The following DLC1 variants were observed in gnomAD, a reference collection of about 807,000 sequenced individuals.
DLC1 encodes the protein rho GTPase-activating protein 7.
In DLC1, 54 loss-of-function variants were observed where a neutral mutation model predicts 140.3. The ratio of observed to expected loss-of-function variants is 0.38; its 90% CI spans 0.31 to 0.48. The LOEUF (loss-of-function observed/expected upper bound fraction) is 0.48, where lower values mean the gene tolerates loss of function less well. Ranked by LOEUF, DLC1 falls within the 20% of genes least tolerant of loss-of-function variation. The pLI is 0.96. For missense variants in DLC1, 2,536 were observed against 1,907.0 expected (o/e 1.33, Z -6.14); for synonymous variants, 986 against 728.1 (o/e 1.35, Z -5.70).
intron 10 of DLC1, chr8:13,096,138 A>C (rs762895147): frequency 6.6e-6 from 1 of 152,228 alleles, no homozygotes; most frequent in Non-Finnish European, 1.5e-5. Flanking sequence ...AAACAGGAAA[A>C]GAACCTTGTG....
At chr8:13,261,377 A>T (rs1280331487) in intron 5 of DLC1, among the ~76,000 whole-genome samples, 1 of 151,572 alleles carries the variant, frequency 6.6e-6, no homozygotes, top group African/African-American at 2.4e-5. Flanking sequence ...AAGAAGGTGA[A>T]GTGGGAAGAG....
intron 2 of DLC1, among the ~76,000 whole-genome samples, chr8:13,413,014 G>T (rs1837858724): frequency 6.6e-6 from 1 of 151,646 alleles, no homozygotes; most frequent in African/African-American, 2.4e-5. Context: ...CAAAACACAG[G>T]TTGCCTATCA....
At chr8:13,539,449 C>T (rs1803411290) in intron 1 of DLC1, among the ~76,000 whole-genome samples, 1 of 152,130 alleles carries the variant, frequency 6.6e-6, no homozygotes, top group African/African-American at 2.4e-5. Context: ...ATCCGTCCAC[C>T]TCGGCCTCCC....
At chr8:13,244,540 C>T (rs777496786) in intron 5 of DLC1, among the ~76,000 whole-genome samples, 2 of 151,954 alleles carry the variant, frequency 1.3e-5, no homozygotes, top group Non-Finnish European at 2.9e-5. Flanking sequence ...CTAAAGTGAT[C>T]CTCCCACTTC....
At chr8:13,089,765 T>C (rs1040462524) in intron 15 of DLC1, among the ~76,000 whole-genome samples, 6 of 152,242 alleles carry the variant, frequency 3.9e-5, no homozygotes, top group Non-Finnish European at 8.8e-5. Flanking sequence ...CCGATGGACC[T>C]ATCCTGCTGA....
At chr8:13,209,747 G>A (rs1827847945) in intron 5 of DLC1, among the ~76,000 whole-genome samples, 2 of 152,048 alleles carry the variant, frequency 1.3e-5, no homozygotes, top group African/African-American at 4.8e-5. Flanking sequence ...CTCTCTTGCT[G>A]CTACTTCCAC....
chr8:13,509,908 A>C (rs1172284558), intron 1 of DLC1, among the ~76,000 whole-genome samples: 4 of 152,208 alleles, frequency 2.6e-5, no homozygotes, highest in Non-Finnish European at 5.9e-5. Context: ...GGGGAAAATG[A>C]TAATGAGTTA....
At chr8:13,400,543 G>A (rs1462576813) in intron 3 of DLC1, among the ~76,000 whole-genome samples, 1 of 152,110 alleles carries the variant, frequency 6.6e-6, no homozygotes, top group African/African-American at 2.4e-5. Context: ...TCTGTGGGCT[G>A]ATGTGTGCAA....
intron 6 of DLC1, among the ~76,000 whole-genome samples, chr8:13,113,495 G>C (rs1820289526): frequency 2.0e-5 from 3 of 152,210 alleles, no homozygotes; most frequent in South Asian, 4.1e-4. Context: ...AGGAGACACA[G>C]GGAATGGAAT....
chr8:13,526,760 C>G (rs370704058), intron 1 of DLC1, among the ~76,000 whole-genome samples: 5 of 151,550 alleles, frequency 3.3e-5, no homozygotes, highest in Non-Finnish European at 7.4e-5. Context: ...CATCACACAC[C>G]AGGGCCTGCC....
rs1563360729 is a variant in DLC1 at position 13,453,517 on chromosome 8, T to TATATGTATATATATATAC, written c.1023+45531_1023+45532insGTATATATATATACATAT. Among the ~76,000 whole-genome samples the TATATGTATATATATATAC allele has an allele frequency of 1.5e-4, 4 of 26,522 alleles. 1 individual carries two copies. The highest frequency in any genetic ancestry group is 4.7e-4 in the Admixed American group (1 of 2,142). 17.4% of individuals were successfully genotyped at this position (26,522 alleles called of 152,430 possible). On this transcript the variant is annotated intron_variant, in intron 2 of 17. Coordinates refer to ENST00000276297, the MANE Select transcript of DLC1 (RefSeq NM_182643.3). Reference sequence around the variant, plus strand: ...ATATATATATGTATATATATATACATATATATATATGTATATATATACATA... The same window carrying TATATGTATATATATATAC: ...ATATATATATGTATATATATATACATATATGTATATATATATACATATATATATGTATATATATACATA...
chr8:13,468,611 G>T (rs1042201357), intron 2 of DLC1, among the ~76,000 whole-genome samples: 11 of 151,916 alleles, frequency 7.2e-5, no homozygotes, highest in Non-Finnish European at 1.0e-4. Context: ...CTGGCTTCAA[G>T]CACTCCTCCC....
chr8:13,496,785 C>CTTTTTTTTTTTTTTTTTTTTTTTTTTTTT lies in DLC1; in HGVS notation c.1023+2263_1023+2264insAAAAAAAAAAAAAAAAAAAAAAAAAAAAA, dbSNP rs1491502803. On this transcript the variant is annotated intron_variant, in intron 2 of 17. Transcript: ENST00000276297. ...TAATTAACAAATTCTTAGACCATTT[C>CTTTTTTTTTTTTTTTTTTTTTTTTTTTTT]CTTTTTTTTTTTTTTTTTTTTTTTT... is the stretch of plus-strand genomic sequence containing the variant. Among the ~76,000 whole-genome samples, 4 of 8,652 alleles carry CTTTTTTTTTTTTTTTTTTTTTTTTTTTTT rather than the reference C, an allele frequency of 4.6e-4. 1 individual carries two copies. The highest frequency in any genetic ancestry group is 3.1e-3 in the South Asian group (1 of 318). The allele number at this position is 8,652 out of a possible 152,430, so 5.7% of individuals were successfully genotyped here.
At chr8:13,500,623 G>A (rs750444717) in intron 1 of DLC1, among the ~76,000 whole-genome samples, 16 of 152,122 alleles carry the variant, frequency 1.1e-4, no homozygotes, top group Non-Finnish European at 2.2e-4. Flanking sequence ...GAATCACAGC[G>A]AAAGCCACCA....
chr8:13,474,933 G>T (rs1800374722), intron 2 of DLC1, among the ~76,000 whole-genome samples: 1 of 152,168 alleles, frequency 6.6e-6, no homozygotes, highest in Non-Finnish European at 1.5e-5. Flanking sequence ...TGAGACTTAG[G>T]ACTGTGGACT....
chr8:13,186,735 G>A (rs957901382), intron 5 of DLC1, among the ~76,000 whole-genome samples: 12 of 152,212 alleles, frequency 7.9e-5, no homozygotes, highest in Non-Finnish European at 1.8e-4. Context: ...GAGGCACTCT[G>A]AGTTTTAGAA....
At chr8:13,429,311 T>C (rs1838752650) in intron 2 of DLC1, among the ~76,000 whole-genome samples, 1 of 152,182 alleles carries the variant, frequency 6.6e-6, no homozygotes, top group South Asian at 2.1e-4. Flanking sequence ...ACCAGTGATG[T>C]AGAGCAGTGA....
chr8:13,484,172 G>C (rs72603980), intron 2 of DLC1, among the ~76,000 whole-genome samples: 21,135 of 152,124 alleles, frequency 0.14, 1,652 homozygotes, highest in East Asian at 0.23. Flanking sequence ...AGGCCAAGAG[G>C]CCAGTTAAGA....
chr8:13,302,785 C>T (rs12546798), intron 5 of DLC1, among the ~76,000 whole-genome samples: 6,801 of 151,540 alleles, frequency 0.045, 211 homozygotes, highest in Middle Eastern at 0.077. Context: ...CAATTAACCC[C>T]GAGAAGATTG....
Sources: allele counts gnomAD v4.1 joint callset (sites outside exome capture counted in the v4.1 genomes callset), GRCh38; gene constraint gnomAD v4.1.1; transcripts MANE v1.5; gene names NCBI Gene and HGNC (gene_info 2026-07-23, HGNC 2026-07-21).